The following CDS2 variants were observed in gnomAD, a reference collection of about 807,000 sequenced individuals.
The protein encoded by CDS2 is phosphatidate cytidylyltransferase 2.
CDS2 carries 47 observed loss-of-function variants against 59.0 expected under a neutral mutation model. The ratio of observed to expected loss-of-function variants is 0.80; its 90% CI spans 0.63 to 1.02. The LOEUF is 1.02. Ranked by LOEUF, CDS2 falls within the 50% of genes least tolerant of loss-of-function variation. The probability of loss-of-function intolerance (pLI) is 0.00; values close to 1 mark genes in which losing one functional copy is unlikely to be tolerated. For synonymous variants in CDS2, 207 were observed against 206.4 expected, an observed-to-expected ratio of 1.00 and a Z score of -0.02; for missense variants, 356 against 558.9, an observed-to-expected ratio of 0.64 and a Z score of 3.66.
intron 2 of CDS2, among the ~76,000 whole-genome samples, chr20:5,174,281 T>A (rs951441377): frequency 6.6e-6 from 1 of 152,174 alleles, no homozygotes; most frequent in Non-Finnish European, 1.5e-5. Context: ...GGAGTCTGAA[T>A]TGTGCAGTGG....
At chr20:5,177,326 T>G (rs1173877841) in intron 4 of CDS2, among the ~76,000 whole-genome samples, 2 of 152,072 alleles carry the variant, frequency 1.3e-5, no homozygotes, top group Non-Finnish European at 2.9e-5. Flanking sequence ...GGTTGAGACT[T>G]ACTGGTTTCC....
chr20:5,140,728 A>AT (rs938484870), intron 1 of CDS2, among the ~76,000 whole-genome samples: 1 of 152,250 alleles, frequency 6.6e-6, no homozygotes, highest in Non-Finnish European at 1.5e-5. Context: ...TCCCCAATGA[A>AT]TTGATAGAAT....
intron 4 of CDS2, among the ~76,000 whole-genome samples, chr20:5,177,761 T>C (rs537263011): frequency 3.0e-4 from 45 of 152,258 alleles, no homozygotes; most frequent in African/African-American, 1.0e-3. Context: ...CTTCCTGAGG[T>C]GTTTCCTGTC....
intron 1 of CDS2, among the ~76,000 whole-genome samples, chr20:5,144,354 C>T (rs2090721915): frequency 6.6e-6 from 1 of 152,142 alleles, no homozygotes; most frequent in Non-Finnish European, 1.5e-5. Flanking sequence ...CTCTTTTGCT[C>T]TCAAGTGACC....
intron 1 of CDS2, among the ~76,000 whole-genome samples, chr20:5,170,016 G>A (rs577204603): frequency 1.3e-5 from 2 of 152,164 alleles, no homozygotes; most frequent in East Asian, 1.9e-4. Context: ...AGGGGAGTGC[G>A]GCAGGCACCT....
intron 1 of CDS2, among the ~76,000 whole-genome samples, chr20:5,148,128 G>A (rs766987220): frequency 9.9e-5 from 15 of 152,050 alleles, no homozygotes; most frequent in Non-Finnish European, 2.1e-4. Flanking sequence ...CTAGTAATGG[G>A]GCTGCTTTAA....
chr20:5,192,702 C>G lies in CDS2; in HGVS notation c.*2468C>G, dbSNP rs758758395. 1 of 152,148 alleles carries G rather than the reference C, an allele frequency of 6.6e-6. No homozygotes were observed. 9.4% of individuals were successfully genotyped at this position (152,148 alleles called of 1,614,324 possible). A position where few individuals can be genotyped will look rare whatever the true frequency, so the allele number is the denominator to read the frequency against. Reference sequence around the variant, plus strand: ...GTCGTGAATTCCCTGTTTATCACTTCCATGCATGGTTTTATGCTTCTCATT... The same window carrying G: ...GTCGTGAATTCCCTGTTTATCACTTGCATGCATGGTTTTATGCTTCTCATT... On this transcript the variant is annotated 3_prime_UTR_variant, in exon 13 of 13. Transcript: ENST00000460006.
rs1016787794 is a variant in CDS2 at position 5,196,234 on chromosome 20, C to G, written c.*6000C>G. On this transcript the variant is annotated 3_prime_UTR_variant, in exon 13 of 13. Coordinates refer to ENST00000460006, the MANE Select transcript of CDS2 (RefSeq NM_003818.4). ...TCTAGGAAGCAGCTGCTGTGACAGGCCAATCCCAGGCTTGCCCCCGAGCCC... is the reference window on the plus strand; with the variant it reads ...TCTAGGAAGCAGCTGCTGTGACAGGGCAATCCCAGGCTTGCCCCCGAGCCC... The G allele has an allele frequency of 4.6e-5, 7 of 152,178 alleles. No homozygotes were observed. The highest frequency in any genetic ancestry group is 6.5e-5 in the Admixed American group (1 of 15,272). The allele number at this position is 152,178 out of a possible 1,614,324, so 9.4% of individuals were successfully genotyped here. A position where few individuals can be genotyped will look rare whatever the true frequency, so the allele number is the denominator to read the frequency against.
chr20:5,173,619 C>T lies in CDS2; in HGVS notation c.154C>T (p.Pro52Ser). 6.2e-7 allele frequency: 1 copy of T among 1,614,204 alleles called. No individual in the cohort carries two copies. The highest frequency in any genetic ancestry group is 8.5e-7 in the Non-Finnish European group (1 of 1,180,022). ...APLPVSADDT[P>S]EVLNRALSNL... ...CCTGCCAGTCTCTGCAGATGATACC[C>T]CGGAGGTCCTCAATAGGGCCCTTTC... is the stretch of plus-strand genomic sequence containing the variant. The change falls in exon 2 of 13, where the codon CCG (proline) becomes TCG (serine). Residue 52 changes from proline (P) to serine (S), a missense_variant. Pro to Ser is a moderately conservative substitution (Grantham distance 74, BLOSUM62 -1). Transcript: ENST00000460006.
chr20:5,131,092 TAAAAAAA>T (rs1049352468), intron 1 of CDS2, among the ~76,000 whole-genome samples: 1 of 105,116 alleles, frequency 9.5e-6, no homozygotes, highest in African/African-American at 3.5e-5. Flanking sequence ...GACTCTGTCT[TAAAAAAA>T]AAAAAAAAAA....
chr20:5,143,459 C>T (rs766052600), intron 1 of CDS2, among the ~76,000 whole-genome samples: 6 of 152,162 alleles, frequency 3.9e-5, no homozygotes, highest in Non-Finnish European at 5.9e-5. Flanking sequence ...GAAATCTGTA[C>T]ATGTATTCAC....
intron 1 of CDS2, among the ~76,000 whole-genome samples, chr20:5,140,088 C>T (rs1031072397): frequency 3.3e-5 from 5 of 152,182 alleles, no homozygotes; most frequent in South Asian, 2.1e-4. Context: ...AGGCGTGAAC[C>T]GCTGCACCCG....
At chr20:5,175,438 G>A in intron 3 of CDS2, 159 bp downstream of exon 3, 1 of 604,260 alleles carries the variant, frequency 1.7e-6, no homozygotes, top group South Asian at 1.9e-5. Context: ...CCACTTCTCA[G>A]TAGCCACCTG....
At chr20:5,178,541 G>T (rs949537686) in intron 4 of CDS2, among the ~76,000 whole-genome samples, 2 of 152,188 alleles carry the variant, frequency 1.3e-5, no homozygotes, top group African/African-American at 4.8e-5. Context: ...CCTCAGTTAG[G>T]TATGGGAATG....
Position 5,190,364 on chromosome 20 carries a change from T to C in CDS2, c.*130T>C. On this transcript the variant is annotated 3_prime_UTR_variant, in exon 13 of 13. Coordinates refer to ENST00000460006, the MANE Select transcript of CDS2 (RefSeq NM_003818.4). ...GTCTTTTTTTTTTTTTTTTGGAGGG[T>C]ATTTTTTATTTGTGGGTTCAAAAAA... 1.2e-6 allele frequency: 1 copy of C among 867,690 alleles called. No homozygotes were observed. Among genetic ancestry groups the C allele is most frequent in the Non-Finnish European group, 1.7e-6 (1 of 588,958 alleles). The allele number at this position is 867,690 out of a possible 1,614,324, so 53.7% of individuals were successfully genotyped here.
At chr20:5,182,925 C>CT in intron 6 of CDS2, 136 bp from the exon 7 acceptor site, 1 of 698,814 alleles carries the variant, frequency 1.4e-6, no homozygotes, top group Admixed American at 2.4e-5. Flanking sequence ...TACCTGTTCA[C>CT]TTTCAATAAG....
At chr20:5,157,904 C>G (rs914658599) in intron 1 of CDS2, among the ~76,000 whole-genome samples, 2 of 152,172 alleles carry the variant, frequency 1.3e-5, no homozygotes, top group African/African-American at 4.8e-5. Flanking sequence ...GTGGCAGGCA[C>G]TTATTTCACT....
intron 1 of CDS2, among the ~76,000 whole-genome samples, chr20:5,147,353 G>A (rs777249765): frequency 1.3e-3 from 192 of 152,146 alleles, no homozygotes; most frequent in Non-Finnish European, 9.6e-4. Flanking sequence ...ATGACAGCCA[G>A]GCAGAAAGGG....
rs1377989596 is a variant in CDS2 at position 5,191,817 on chromosome 20, T to C, written c.*1583T>C. On this transcript the variant is annotated 3_prime_UTR_variant, in exon 13 of 13. Coordinates refer to ENST00000460006, the MANE Select transcript of CDS2 (RefSeq NM_003818.4). ...CATTTCAGCCTCGTGGCTTCTCTTA[T>C]TCAGGTCCAAGGCCCCTTAAAAACA... is the stretch of plus-strand genomic sequence containing the variant. 2.0e-5 allele frequency: 3 copies of C among 152,236 alleles called. No individual in the cohort carries two copies. The highest frequency in any genetic ancestry group is 4.8e-5 in the African/African-American group (2 of 41,450). 9.4% of individuals were successfully genotyped at this position (152,236 alleles called of 1,614,324 possible). A position where few individuals can be genotyped will look rare whatever the true frequency, so the allele number is the denominator to read the frequency against.
Sources: gnomAD v4.1 joint callset for allele counts (sites outside exome capture counted in the v4.1 genomes callset) on GRCh38, gnomAD v4.1.1 for gene constraint, MANE v1.5 for transcripts, NCBI Gene and HGNC (gene_info 2026-07-23, HGNC 2026-07-21) for gene names.